Variants in LYPD6 observed in about 807,000 individuals in gnomAD.
The protein encoded by LYPD6 is ly6/PLAUR domain-containing protein 6.
LYPD6 carries 15 observed loss-of-function variants against 22.7 expected under a neutral mutation model. The observed-to-expected ratio is 0.66, with a 90% CI of 0.44 to 1.02. The LOEUF (loss-of-function observed/expected upper bound fraction) is 1.02, where lower values mean the gene tolerates loss of function less well. Among genes scored for constraint, LYPD6 ranks in the 50% least tolerant of loss-of-function variants. LYPD6 has a pLI of 0.00. For missense variants in LYPD6, 189 were observed against 208.4 expected (o/e 0.91, Z 0.57); for synonymous variants, 72 against 77.5 (o/e 0.93, Z 0.37).
intron 1 of LYPD6, among the ~76,000 whole-genome samples, chr2:149,375,811 T>C (rs776700336): frequency 6.6e-6 from 1 of 152,112 alleles, no homozygotes; most frequent in Non-Finnish European, 1.5e-5. Flanking sequence ...CAAGAGTACG[T>C]CTGGGATGAT....
chr2:149,458,936 C>T (rs1336331088), intron 3 of LYPD6, among the ~76,000 whole-genome samples: 1 of 152,126 alleles, frequency 6.6e-6, no homozygotes, highest in African/African-American at 2.4e-5. Context: ...TCTACAGAGC[C>T]TCAGAGATCT....
In LYPD6 at chr2:149,449,134, C is replaced by A; in HGVS notation, c.204C>A (p.Ile68=). Residue 68 remains isoleucine (I), a synonymous_variant, in exon 3 of 5, where the codon ATC becomes ATA. Transcript: ENST00000334166. ...NYECNRWAPD[I]YCPRETRYCY... is the part of the protein sequence containing the mutation. ...AGTGCAACCGATGGGCTCCAGACAT[C>A]TACTGCCCTCGAGGTAAACTCTCAG... 6.2e-7 allele frequency: 1 copy of A among 1,611,820 alleles called. No individual in the cohort carries two copies. Among genetic ancestry groups the A allele is most frequent in the Non-Finnish European group, 8.5e-7 (1 of 1,178,664 alleles).
At chr2:149,409,237 C>G (rs1002950726) in intron 1 of LYPD6, among the ~76,000 whole-genome samples, 6 of 152,190 alleles carry the variant, frequency 3.9e-5, no homozygotes, top group African/African-American at 1.4e-4. Flanking sequence ...GTAGTGTCTG[C>G]AGAGTCCTGT....
At chr2:149,483,513 A>G in the LYPD6 span, among the ~76,000 whole-genome samples, 1 of 152,200 alleles carries the variant, frequency 6.6e-6, no homozygotes, top group Admixed American at 6.5e-5. Context: ...CTCACTGGTC[A>G]AGAATTATTT....
At chr2:149,335,083 T>C (rs1179601684) in intron 1 of LYPD6, among the ~76,000 whole-genome samples, 1 of 152,250 alleles carries the variant, frequency 6.6e-6, no homozygotes, top group African/African-American at 2.4e-5. Context: ...GTTACTGATT[T>C]ATGTATTTAC....
intron 1 of LYPD6, among the ~76,000 whole-genome samples, chr2:149,337,964 C>T (rs748359008): frequency 1.3e-5 from 2 of 152,062 alleles, no homozygotes; most frequent in African/African-American, 2.4e-5. Context: ...TACGTGATCT[C>T]ATTTTTATGG....
At chr2:149,391,382 T>C (rs1682306056) in intron 1 of LYPD6, among the ~76,000 whole-genome samples, 1 of 152,078 alleles carries the variant, frequency 6.6e-6, no homozygotes, top group Non-Finnish European at 1.5e-5. Flanking sequence ...CCCCCGATAA[T>C]GGAGAAAACT....
intron 1 of LYPD6, among the ~76,000 whole-genome samples, chr2:149,405,926 A>G (rs1234476104): frequency 2.7e-5 from 4 of 148,718 alleles, no homozygotes; most frequent in Non-Finnish European, 4.5e-5. Context: ...AGATTCTGGT[A>G]TGTTGTGTCT....
chr2:149,422,629 C>G (rs1023664153), intron 1 of LYPD6, among the ~76,000 whole-genome samples: 3 of 152,178 alleles, frequency 2.0e-5, no homozygotes, highest in Admixed American at 6.5e-5. Context: ...GAACTATTCT[C>G]TTAGCAAGTT....
At chr2:149,470,495 A>G (rs1681307963) in intron 4 of LYPD6, among the ~76,000 whole-genome samples, 188 bp from the exon 5 acceptor site, 1 of 152,138 alleles carries the variant, frequency 6.6e-6, no homozygotes, top group South Asian at 2.1e-4. Context: ...GGGAGTTTTC[A>G]TGTTGACCAG....
intron 1 of LYPD6, among the ~76,000 whole-genome samples, chr2:149,332,850 A>C (rs1251460443): frequency 6.6e-6 from 1 of 152,200 alleles, no homozygotes; most frequent in Non-Finnish European, 1.5e-5. Flanking sequence ...GAAAACTAGG[A>C]ATAGTTTTAA....
At chr2:149,474,529 G>A (rs1681418562), downstream of LYPD6, among the ~76,000 whole-genome samples, 1 of 152,084 alleles carries the variant, frequency 6.6e-6, no homozygotes, top group Non-Finnish European at 1.5e-5. Context: ...AATTACCTAT[G>A]TTTTGAAATT....
At chr2:149,332,167 C>T (rs1680951483) in intron 1 of LYPD6, among the ~76,000 whole-genome samples, 1 of 152,192 alleles carries the variant, frequency 6.6e-6, no homozygotes, top group Non-Finnish European at 1.5e-5. Flanking sequence ...ACCAAAGGCA[C>T]CAGACTGAAA....
At chr2:149,436,980 C>G (rs1012500914) in intron 1 of LYPD6, among the ~76,000 whole-genome samples, 1 of 152,228 alleles carries the variant, frequency 6.6e-6, no homozygotes, top group African/African-American at 2.4e-5. Flanking sequence ...GGGTTAGAGT[C>G]AGATCTGCTA....
intron 1 of LYPD6, among the ~76,000 whole-genome samples, chr2:149,366,410 C>G (rs531497208): frequency 1.3e-5 from 2 of 152,320 alleles, no homozygotes; most frequent in South Asian, 4.1e-4. Context: ...CTCTGACATC[C>G]CTGACCCCTT....
At chr2:149,448,500 T>A (rs1284116768) in intron 2 of LYPD6, among the ~76,000 whole-genome samples, 1 of 152,014 alleles carries the variant, frequency 6.6e-6, no homozygotes, top group Non-Finnish European at 1.5e-5. Context: ...AACACAAGGG[T>A]TCCTCCTACT....
chr2:149,371,907 C>T (rs755206441), intron 1 of LYPD6, among the ~76,000 whole-genome samples: 1 of 152,058 alleles, frequency 6.6e-6, no homozygotes, highest in Non-Finnish European at 1.5e-5. Context: ...GGGTATTGGA[C>T]CATCGAGGGA....
At chr2:149,421,005 G>A (rs187902922) in intron 1 of LYPD6, among the ~76,000 whole-genome samples, 21 of 152,268 alleles carry the variant, frequency 1.4e-4, no homozygotes, top group African/African-American at 4.1e-4. Context: ...AAATGGTAAT[G>A]GGTGAGAGCC....
At chr2:149,331,611 G>C (rs1427062803) in intron 1 of LYPD6, among the ~76,000 whole-genome samples, 1 of 151,884 alleles carries the variant, frequency 6.6e-6, no homozygotes, top group African/African-American at 2.4e-5. Context: ...GGACTCCAAA[G>C]ACTTGTTATA....
Sources: gnomAD v4.1 joint callset for allele counts (sites outside exome capture counted in the v4.1 genomes callset) on GRCh38, gnomAD v4.1.1 for gene constraint, MANE v1.5 for transcripts, NCBI Gene and HGNC (gene_info 2026-07-23, HGNC 2026-07-21) for gene names.